The following SLC9A1 variants were observed in gnomAD, a reference collection of about 807,000 sequenced individuals.
SLC9A1 encodes solute carrier family 9 member A1.
A neutral mutation model predicts 67.9 loss-of-function variants in SLC9A1; 22 were observed. The ratio of observed to expected loss-of-function variants is 0.32; its 90% confidence interval spans 0.23 to 0.46. The LOEUF is 0.46. Ranked by LOEUF, SLC9A1 falls within the 20% of genes least tolerant of loss-of-function variation. The pLI, the probability that SLC9A1 is intolerant of heterozygous loss-of-function variation, is 1.00. For synonymous variants in SLC9A1, 421 were observed against 471.8 expected, an observed-to-expected ratio of 0.89 and a Z score of 1.40; for missense variants, 686 against 1,094.8, an observed-to-expected ratio of 0.63 and a Z score of 5.27.
chr1:27,146,789 C>G (rs563685971), intron 1 of SLC9A1, among the ~76,000 whole-genome samples: 33 of 152,056 alleles, frequency 2.2e-4, no homozygotes, highest in Admixed American at 7.9e-4. Flanking sequence ...CAAAAATAAA[C>G]AAAATAAAAA....
intron 1 of SLC9A1, among the ~76,000 whole-genome samples, chr1:27,127,987 C>A (rs1306302516): frequency 6.6e-6 from 1 of 152,196 alleles, no homozygotes; most frequent in Non-Finnish European, 1.5e-5. Context: ...TCCTTGGGGG[C>A]TTGTTGAGAG....
At position 27,129,504 on chromosome 1, in the gene SLC9A1, C is replaced by T. The variant is rs546138474; in HGVS notation, c.353-15218G>A. ...GGGCTTGGTCCTGGTGCCAGGAAGG[C>T]CCAGGGCTCTAGAAACAGCAATGGG... On this transcript the variant is annotated intron_variant, in intron 1 of 11. Coordinates refer to ENST00000263980, the MANE Select transcript of SLC9A1 (RefSeq NM_003047.5). Among the ~76,000 whole-genome samples the T allele has an allele frequency of 3.9e-5, 6 of 152,266 alleles. No individual in the cohort carries two copies. In the South Asian group the frequency reaches 8.3e-4, roughly 21 times the overall value.
At chr1:27,153,874 A>ATGGGGGTAGTTCAGATCCTTACTCC (rs2083547857) in intron 1 of SLC9A1, 109 bp downstream of exon 1, 2 of 699,678 alleles carry the variant, frequency 2.9e-6, no homozygotes, top group Non-Finnish European at 2.4e-6. Context: ...TGCCTACTTT[A>ATGGGGGTAGTTCAGATCCTTACTCC]TGGGGGTAGT....
At chr1:27,107,359 T>G (rs1386593393) in intron 4 of SLC9A1, among the ~76,000 whole-genome samples, 1 of 104,762 alleles carries the variant, frequency 9.5e-6, no homozygotes, top group Non-Finnish European at 1.9e-5. Flanking sequence ...CCACACAACA[T>G]ACTACACACA....
intron 1 of SLC9A1, among the ~76,000 whole-genome samples, chr1:27,150,622 C>T (rs2083520252): frequency 6.6e-6 from 1 of 152,106 alleles, no homozygotes; most frequent in Non-Finnish European, 1.5e-5. Flanking sequence ...ACCACTGGCC[C>T]CTCCCCACCA....
chr1:27,121,097 A>G lies in SLC9A1; in HGVS notation c.353-6811T>C, dbSNP rs1056346667. Among the ~76,000 whole-genome samples the G allele has an allele frequency of 2.0e-5, 3 of 152,170 alleles. No homozygotes were observed. The East Asian group carries it at 5.8e-4, about 29-fold the overall frequency. On this transcript the variant is annotated intron_variant, in intron 1 of 11. Transcript: ENST00000263980. Reference sequence around the variant, plus strand: ...ATAAATCTGTTCCAAGTACCTGGGCAAGCATCCTTCCCCATACCCGGGCAA... The same window carrying G: ...ATAAATCTGTTCCAAGTACCTGGGCGAGCATCCTTCCCCATACCCGGGCAA...
chr1:27,119,450 A>C (rs1474077910), intron 1 of SLC9A1, among the ~76,000 whole-genome samples: 1 of 152,198 alleles, frequency 6.6e-6, no homozygotes, highest in African/African-American at 2.4e-5. Context: ...GCCAGGTCCC[A>C]AGGGATTCCT....
chr1:27,104,241 C>A lies in SLC9A1; in HGVS notation c.1486-929G>T, dbSNP rs539010291. ...GGATTACAGGCGGCTGCCACCACGC[C>A]CAGCTAATTTTTGTATTTTTAGTAG... On this transcript the variant is annotated intron_variant, in intron 5 of 11. Transcript: ENST00000263980. Among the ~76,000 whole-genome samples, 4 of 152,172 alleles carry A rather than the reference C, an allele frequency of 2.6e-5. No individual in the cohort carries two copies. The East Asian group carries it at 7.7e-4, about 29-fold the overall frequency.
At position 27,118,089 on chromosome 1, in the gene SLC9A1, C is replaced by T. The variant is rs2083283434; in HGVS notation, c.353-3803G>A. Among the ~76,000 whole-genome samples the T allele has an allele frequency of 1.3e-5, 2 of 152,196 alleles. No individual in the cohort carries two copies. Among genetic ancestry groups the T allele is most frequent in the African/African-American group, 4.8e-5 (2 of 41,440 alleles). On this transcript the variant is annotated intron_variant, in intron 1 of 11. Transcript: ENST00000263980. This position sits in a 1 kb window ranked among gnomAD's most constrained non-coding sequence, Gnocchi z 4.3. Reference sequence around the variant, plus strand: ...GACTGGGTCCCGGGCCTCCTGACTACAGCACAGCGACCTCCTTCTCCTTCA... The same window carrying T: ...GACTGGGTCCCGGGCCTCCTGACTATAGCACAGCGACCTCCTTCTCCTTCA...
rs2083147250 is a variant in SLC9A1, at chr1:27,101,815, G to T, written c.1947C>A (p.Tyr649Ter). Residue 649 changes from tyrosine to a stop codon, truncating the protein, a stop_gained, in exon 10 of 12, where the codon TAC becomes TAA. Coordinates refer to ENST00000263980, the MANE Select transcript of SLC9A1 (RefSeq NM_003047.5). LOFTEE classifies it high-confidence loss of function. The surrounding 1 kb of genome is among the most constrained non-coding windows in gnomAD (Gnocchi z 4.9). ...GGTCTGCCACCAGCGTGTGTCTGTTGTAGGACCGCAGCTGTGGGAGGGACA... is the reference window on the plus strand; with the variant it reads ...GGTCTGCCACCAGCGTGTGTCTGTTTTAGGACCGCAGCTGTGGGAGGGACA... ...LQKTRQRLRS[Y>*]NRHTLVADPY... The T allele has an allele frequency of 6.2e-7, 1 of 1,611,946 alleles. No homozygotes were observed. Among genetic ancestry groups the T allele is most frequent in the South Asian group, 1.1e-5 (1 of 90,992 alleles).
chr1:27,102,300 C>T, intron 8 of SLC9A1, 85 bp downstream of exon 8: 1 of 1,469,534 alleles, frequency 6.8e-7, no homozygotes, highest in Non-Finnish European at 9.3e-7. Context: ...CAACAGAAGA[C>T]CCCGCCCCCC....
At chr1:27,132,919 T>C (rs2083395431) in intron 1 of SLC9A1, among the ~76,000 whole-genome samples, 1 of 152,222 alleles carries the variant, frequency 6.6e-6, no homozygotes, top group African/African-American at 2.4e-5. Flanking sequence ...TACCTGGTAC[T>C]GCACTGTGAC....
rs1054609024 is a variant in SLC9A1 at position 27,154,439 on chromosome 1, T to TA, written c.-106dup. The TA allele has an allele frequency of 4.6e-6, 3 of 655,074 alleles. No individual in the cohort carries two copies. In the African/African-American group the frequency reaches 5.5e-5, roughly 12 times the overall value. 40.6% of individuals were successfully genotyped at this position (655,074 alleles called of 1,614,324 possible). On this transcript the variant is annotated 5_prime_UTR_variant, in exon 1 of 12. It removes the in-frame stop codon of an upstream open reading frame in the 5' UTR. Transcript: ENST00000263980. ...TGGGAAGAGAGACTGGCGTAGTCTC[T>TA]AGGAAAAGTTCATGTTTTAGAGAGG... is the stretch of plus-strand genomic sequence containing the variant.
intron 1 of SLC9A1, among the ~76,000 whole-genome samples, chr1:27,124,974 C>T (rs1053803929): frequency 1.3e-5 from 2 of 152,020 alleles, no homozygotes; most frequent in African/African-American, 4.8e-5. Context: ...GTGCTCCTGA[C>T]AGGAAATTCT....
rs548015133 is a variant in SLC9A1 at position 27,136,915 on chromosome 1, C to T, written c.352+17068G>A. The stretch of plus-strand genomic sequence containing the variant: ...TCCTCCAGAACCTCTGCAGTTCCCC[C>T]ATCTTCAGGAAAGAGCCCACACTTC... On this transcript the variant is annotated intron_variant, in intron 1 of 11. Coordinates refer to ENST00000263980, the MANE Select transcript of SLC9A1 (RefSeq NM_003047.5). Among the ~76,000 whole-genome samples, 162 of 152,314 alleles carry T rather than the reference C, an allele frequency of 1.1e-3. 2 individuals carry two copies. Among genetic ancestry groups the T allele is most frequent in the Admixed American group, 8.8e-3 (135 of 15,308 alleles).
rs1469240259 is a variant in SLC9A1, at chr1:27,137,305, T to G, written c.352+16678A>C. On this transcript the variant is annotated intron_variant, in intron 1 of 11. Transcript: ENST00000263980. The surrounding 1 kb of genome is among the most constrained non-coding windows in gnomAD (Gnocchi z 4.6). ...CCACTTATAGCATCACAGGAGAGCC[T>G]GGACTAGAGGTCGGGGAGCTGAGCT... Among the ~76,000 whole-genome samples, 2 of 152,224 alleles carry G rather than the reference T, an allele frequency of 1.3e-5. No homozygotes were observed. The highest frequency in any genetic ancestry group is 4.8e-5 in the African/African-American group (2 of 41,464).
chr1:27,111,908 A>G (rs1008073925), intron 2 of SLC9A1, among the ~76,000 whole-genome samples: 1 of 152,182 alleles, frequency 6.6e-6, no homozygotes, highest in African/African-American at 2.4e-5. Flanking sequence ...CCTTTGGGAG[A>G]CATGACCATG....
At chr1:27,135,648 C>T (rs989140918) in intron 1 of SLC9A1, among the ~76,000 whole-genome samples, 4 of 151,790 alleles carry the variant, frequency 2.6e-5, no homozygotes, top group African/African-American at 2.4e-5. Flanking sequence ...CAAAACCCTA[C>T]GGAGTACAAG....
In SLC9A1 at chr1:27,154,356, C is replaced by T. The variant is rs1275776739; in HGVS notation, c.-22G>A. 4 of 1,516,382 alleles carry T rather than the reference C, an allele frequency of 2.6e-6. No individual in the cohort carries two copies. The allele number at this position is 1,516,382 out of a possible 1,614,324, so 93.9% of individuals were successfully genotyped here. The stretch of plus-strand genomic sequence containing the variant: ...CCATGGTGCTGCTTCCAGAGCCAGC[C>T]TCGACCTTACCCAAATGAGAGTAAA... On this transcript the variant is annotated 5_prime_UTR_variant, in exon 1 of 12. Coordinates refer to ENST00000263980, the MANE Select transcript of SLC9A1 (RefSeq NM_003047.5).
Sources: gnomAD v4.1 joint callset for allele counts (sites outside exome capture counted in the v4.1 genomes callset) on GRCh38, gnomAD v4.1.1 for gene constraint, Gnocchi (gnomAD v3.1) non-coding constraint, MANE v1.5 for transcripts, NCBI Gene and HGNC (gene_info 2026-07-23, HGNC 2026-07-21) for gene names.